Variants in ANKRD36B observed in about 807,000 individuals in gnomAD.
The protein encoded by ANKRD36B is ankyrin repeat domain-containing protein 36B.
In ANKRD36B, 37 loss-of-function variants were observed where a neutral mutation model predicts 135.7. The ratio of observed to expected loss-of-function variants is 0.27; its 90% confidence interval spans 0.21 to 0.36. The LOEUF (loss-of-function observed/expected upper bound fraction) is 0.36. Ranked by LOEUF, ANKRD36B falls within the 10% of genes least tolerant of loss-of-function variation. ANKRD36B has a pLI of 1.00. For missense variants in ANKRD36B, 549 were observed against 1,037.1 expected (o/e 0.53, Z 6.46); for synonymous variants, 179 against 348.1 (o/e 0.51, Z 5.41).
intron 22 of ANKRD36B, among the ~76,000 whole-genome samples, chr2:97,546,394 G>T (rs1180853583): frequency 6.6e-6 from 1 of 151,648 alleles, no homozygotes; most frequent in African/African-American, 2.4e-5. Flanking sequence ...GATCACCTTG[G>T]ATATCTGCTT....
intron 3 of ANKRD36B, among the ~76,000 whole-genome samples, chr2:97,582,685 A>G (rs1227313082): frequency 1.3e-5 from 2 of 152,152 alleles, no homozygotes; most frequent in Non-Finnish European, 1.5e-5. Flanking sequence ...TTGTATTTTT[A>G]TATTTGCTAT....
chr2:97,553,005 G>A (rs2080199446), intron 16 of ANKRD36B, among the ~76,000 whole-genome samples, 163 bp downstream of exon 16: 4 of 151,848 alleles, frequency 2.6e-5, no homozygotes, highest in Admixed American at 2.6e-4. Context: ...AGCAGCATTA[G>A]CGTCACCCAA....
chr2:97,564,161 T>C (rs976522985), intron 6 of ANKRD36B, among the ~76,000 whole-genome samples: 9 of 151,678 alleles, frequency 5.9e-5, no homozygotes, highest in Non-Finnish European at 1.2e-4. Flanking sequence ...TCTTTTGCTT[T>C]TTTTAAAAAA....
intron 6 of ANKRD36B, among the ~76,000 whole-genome samples, chr2:97,572,836 C>A (rs1201481459): frequency 2.0e-5 from 3 of 151,342 alleles, no homozygotes; most frequent in Non-Finnish European, 4.4e-5. Context: ...ACTTGGTATA[C>A]TTAGCATGTC....
rs185514859 is a variant in ANKRD36B, at chr2:97,529,981, G to A, written c.2265+2330C>T. ...TATCGTTAAAATGGCCATACTGCCCGAGGTAATTTATAGAATCAGTGCCAT... is the reference window on the plus strand; with the variant it reads ...TATCGTTAAAATGGCCATACTGCCCAAGGTAATTTATAGAATCAGTGCCAT... On this transcript the variant is annotated intron_variant, in intron 35 of 43. Coordinates refer to ENST00000359901, the MANE Select transcript of ANKRD36B (RefSeq NM_001393939.1). Among the ~76,000 whole-genome samples the A allele has an allele frequency of 1.8e-3, 175 of 95,738 alleles. 59 individuals carry two copies. The highest frequency in any genetic ancestry group is 1.0e-3 in the African/African-American group (32 of 31,702). 62.8% of individuals were successfully genotyped at this position (95,738 alleles called of 152,430 possible).
At position 97,527,911 on chromosome 2, in the gene ANKRD36B, G is replaced by C. The variant is rs1312862852; in HGVS notation, c.2265+4400C>G. Among the ~76,000 whole-genome samples, 4 of 95,588 alleles carry C rather than the reference G, an allele frequency of 4.2e-5. 1 individual carries two copies. Among genetic ancestry groups the C allele is most frequent in the Admixed American group, 1.9e-4 (2 of 10,772 alleles). The allele number at this position is 95,588 out of a possible 152,430, so 62.7% of individuals were successfully genotyped here. ...CACCCAGATTCATAAGGCAAGTCCT[G>C]AGTGACCTACAAAGAGACTTAGACT... On this transcript the variant is annotated intron_variant, in intron 35 of 43. Coordinates refer to ENST00000359901, the MANE Select transcript of ANKRD36B (RefSeq NM_001393939.1).
intron 6 of ANKRD36B, among the ~76,000 whole-genome samples, chr2:97,563,004 A>G (rs1196376507): frequency 6.6e-6 from 1 of 151,952 alleles, no homozygotes. Context: ...TTTCCTCTCC[A>G]GCAGACAGTA....
chr2:97,548,312 C>A (rs1327674284), intron 20 of ANKRD36B, among the ~76,000 whole-genome samples: 1 of 151,838 alleles, frequency 6.6e-6, no homozygotes, highest in African/African-American at 2.4e-5. Context: ...ATCTCTCACA[C>A]CCATATGGTG....
At chr2:97,531,798 T>C (rs1459514179) in intron 35 of ANKRD36B, among the ~76,000 whole-genome samples, 1 of 96,620 alleles carries the variant, frequency 1.0e-5, no homozygotes, top group African/African-American at 3.1e-5. Flanking sequence ...ATTCTCTTGA[T>C]AGCCAGTTGG....
In ANKRD36B at chr2:97,561,336, T is replaced by C. The variant is rs1377797732; in HGVS notation, c.764-476A>G. Among the ~76,000 whole-genome samples, 14 of 151,928 alleles carry C rather than the reference T, an allele frequency of 9.2e-5. No homozygotes were observed. In the East Asian group the frequency reaches 2.5e-3, roughly 27 times the overall value. On this transcript the variant is annotated intron_variant, in intron 6 of 43. Coordinates refer to ENST00000359901, the MANE Select transcript of ANKRD36B (RefSeq NM_001393939.1). ...TGATCAGTGAGAAGGTACACAATTA[T>C]AATGACACTTTAGTTGAAATCTCTT...
At chr2:97,552,969 T>G (rs1033291472) in intron 16 of ANKRD36B, among the ~76,000 whole-genome samples, 199 bp downstream of exon 16, 7 of 151,928 alleles carry the variant, frequency 4.6e-5, no homozygotes, top group African/African-American at 1.7e-4. Context: ...GTGTATAATC[T>G]TACTGCGAAG....
intron 6 of ANKRD36B, among the ~76,000 whole-genome samples, chr2:97,576,083 A>C (rs1187176232): frequency 9.3e-6 from 1 of 107,130 alleles, no homozygotes; most frequent in Non-Finnish European, 2.6e-5. Context: ...TTATCATGTG[A>C]CTATTAAAAA....
Position 97,578,893 on chromosome 2 carries a change from C to G in ANKRD36B, c.695+13G>C. 6.2e-7 allele frequency: 1 copy of G among 1,608,570 alleles called. No individual in the cohort carries two copies. The highest frequency in any genetic ancestry group is 1.1e-5 in the South Asian group (1 of 90,202). Reference sequence around the variant, plus strand: ...AATTTAGTGTTCATTAGCCTTTTTACGTAAAGACTTACACTCTATTCTCAG... The same window carrying G: ...AATTTAGTGTTCATTAGCCTTTTTAGGTAAAGACTTACACTCTATTCTCAG... On this transcript the variant is annotated intron_variant, in intron 5 of 43. Transcript: ENST00000359901.
intron 16 of ANKRD36B, among the ~76,000 whole-genome samples, chr2:97,552,082 G>A (rs2080120277): frequency 6.6e-6 from 1 of 151,840 alleles, no homozygotes; most frequent in Non-Finnish European, 1.5e-5. Flanking sequence ...GTAATAATTT[G>A]CCTAAGTATC....
chr2:97,578,816 T>C, intron 5 of ANKRD36B, 90 bp downstream of exon 5: 1 of 1,473,542 alleles, frequency 6.8e-7, no homozygotes, highest in South Asian at 1.5e-5. Context: ...AACCAAACTA[T>C]GCAATCTCAC....
At chr2:97,574,713 CTT>C (rs1329665971) in intron 6 of ANKRD36B, among the ~76,000 whole-genome samples, 1 of 152,142 alleles carries the variant, frequency 6.6e-6, no homozygotes, top group Non-Finnish European at 1.5e-5. Flanking sequence ...TGCTGCCAGA[CTT>C]TTGTTTCAGA....
At chr2:97,584,435 C>G (rs576373576) in intron 3 of ANKRD36B, among the ~76,000 whole-genome samples, 49 of 150,736 alleles carry the variant, frequency 3.3e-4, no homozygotes, top group African/African-American at 1.2e-3. Context: ...GATTGCTCTC[C>G]TTTTCTTCAT....
At chr2:97,580,112 G>C (rs1339607530) in intron 4 of ANKRD36B, among the ~76,000 whole-genome samples, 1 of 152,192 alleles carries the variant, frequency 6.6e-6, no homozygotes, top group Non-Finnish European at 1.5e-5. Context: ...TTTAGCTAAT[G>C]TAAGATCATA....
At chr2:97,563,431 TACACAC>T (rs4069654) in intron 6 of ANKRD36B, among the ~76,000 whole-genome samples, 2 of 149,482 alleles carry the variant, frequency 1.3e-5, no homozygotes, top group African/African-American at 2.5e-5. Context: ...GAGAAAAAAA[TACACAC>T]ACACACACAC....
Sources: gnomAD v4.1 joint callset for allele counts (sites outside exome capture counted in the v4.1 genomes callset) on GRCh38, gnomAD v4.1.1 for gene constraint, MANE v1.5 for transcripts, NCBI Gene and HGNC (gene_info 2026-07-23, HGNC 2026-07-21) for gene names.